The following SBF2 variants were observed in gnomAD, a reference collection of about 807,000 sequenced individuals.
SBF2 encodes SET binding factor 2.
A neutral mutation model predicts 225.2 loss-of-function variants in SBF2; 112 were observed. That is an observed-to-expected ratio of 0.50 (90% CI 0.43 to 0.58). SBF2 has a LOEUF of 0.58. SBF2 is among the 20% of genes least tolerant of loss of function. The pLI, the probability that SBF2 is intolerant of heterozygous loss-of-function variation, is 0.00. For synonymous variants in SBF2, 763 were observed against 773.3 expected, an observed-to-expected ratio of 0.99 and a Z score of 0.22; for missense variants, 1,996 against 2,206.2, an observed-to-expected ratio of 0.90 and a Z score of 1.91.
intron 1 of SBF2, among the ~76,000 whole-genome samples, chr11:10,284,808 G>C (rs1333528189): frequency 2.0e-5 from 3 of 151,758 alleles, no homozygotes; most frequent in Admixed American, 6.6e-5. Flanking sequence ...ATTTTTAGTA[G>C]AGACAAGGTC....
chr11:10,085,511 A>C (rs959439978), intron 2 of SBF2, among the ~76,000 whole-genome samples: 1 of 152,078 alleles, frequency 6.6e-6, no homozygotes, highest in African/African-American at 2.4e-5. Flanking sequence ...CTCTTCATAC[A>C]TACATTTCTC....
chr11:9,891,572 T>C (rs192220129), intron 17 of SBF2, among the ~76,000 whole-genome samples: 11 of 152,238 alleles, frequency 7.2e-5, no homozygotes, highest in Non-Finnish European at 1.0e-4. Context: ...AGCTAATAAA[T>C]TGAAATCGAA....
intron 3 of SBF2, 111 bp from the exon 4 acceptor site, chr11:10,031,281 T>C (rs1319271018): frequency 2.0e-6 from 2 of 1,016,650 alleles, no homozygotes; most frequent in Admixed American, 2.5e-5. Flanking sequence ...AAATTAATTA[T>C]AATATAATTT....
intron 20 of SBF2, 83 bp from the exon 21 acceptor site, chr11:9,852,832 T>C: frequency 9.4e-7 from 1 of 1,065,762 alleles, no homozygotes; most frequent in Admixed American, 1.7e-5. Flanking sequence ...GAATTAAAAG[T>C]TAATTACAGT....
intron 17 of SBF2, among the ~76,000 whole-genome samples, chr11:9,886,505 C>T (rs906003134): frequency 2.6e-5 from 4 of 151,920 alleles, no homozygotes; most frequent in African/African-American, 9.7e-5. Flanking sequence ...CTGGACAGAT[C>T]CACATAGAAG....
intron 2 of SBF2, among the ~76,000 whole-genome samples, chr11:10,190,474 C>T (rs72861747): frequency 0.058 from 8,846 of 151,972 alleles, 332 homozygotes; most frequent in Middle Eastern, 0.14. Flanking sequence ...AAAATCCATC[C>T]GAATTAAAGT....
Position 10,171,118 on chromosome 11 carries a change from G to C in SBF2, c.141+22784C>G, listed in dbSNP as rs562580192. Reference sequence around the variant, plus strand: ...ATTTGACTCCCTCCTTTCCAATTTGGATGCCCTAGACTTCCTTCTCTTATC... The same window carrying C: ...ATTTGACTCCCTCCTTTCCAATTTGCATGCCCTAGACTTCCTTCTCTTATC... On this transcript the variant is annotated intron_variant, in intron 2 of 39. Transcript: ENST00000256190. 5.9e-5 allele frequency among the ~76,000 whole-genome samples: 9 copies of C among 152,072 alleles called. No individual in the cohort carries two copies. In the South Asian group the frequency reaches 1.2e-3, roughly 21 times the overall value.
At chr11:9,861,317 C>T (rs1337905833) in intron 17 of SBF2, among the ~76,000 whole-genome samples, 1 of 152,142 alleles carries the variant, frequency 6.6e-6, no homozygotes, top group Admixed American at 6.6e-5. Context: ...GCCTTAACCT[C>T]CTGAGTAGCT....
chr11:9,846,044 G>C (rs1187742067), intron 23 of SBF2, among the ~76,000 whole-genome samples: 2 of 152,174 alleles, frequency 1.3e-5, no homozygotes, highest in Non-Finnish European at 2.9e-5. Context: ...CAACTGGTTG[G>C]TTCCAGATAG....
intron 30 of SBF2, among the ~76,000 whole-genome samples, chr11:9,811,872 T>C (rs543318228): frequency 6.6e-6 from 1 of 152,128 alleles, no homozygotes; most frequent in South Asian, 2.1e-4. Flanking sequence ...TCACAGCTCT[T>C]TGGGAGGTCA....
intron 1 of SBF2, among the ~76,000 whole-genome samples, chr11:10,241,694 A>C (rs1959224946): frequency 6.6e-6 from 1 of 152,154 alleles, no homozygotes; most frequent in African/African-American, 2.4e-5. Context: ...AATTCCTAGA[A>C]AACAACTTTT....
chr11:10,007,483 A>T (rs1344669823), intron 6 of SBF2, among the ~76,000 whole-genome samples: 1 of 152,172 alleles, frequency 6.6e-6, no homozygotes, highest in Non-Finnish European at 1.5e-5. Flanking sequence ...TGATCTATCA[A>T]CTAGATTTAC....
intron 2 of SBF2, among the ~76,000 whole-genome samples, chr11:10,143,831 C>T (rs1954763472): frequency 6.6e-6 from 1 of 152,150 alleles, no homozygotes; most frequent in Non-Finnish European, 1.5e-5. Context: ...CATTCTCCTG[C>T]CTCAGCCTCC....
At chr11:10,157,091 C>T (rs866710595) in intron 2 of SBF2, among the ~76,000 whole-genome samples, 15 of 152,078 alleles carry the variant, frequency 9.9e-5, no homozygotes, top group East Asian at 1.9e-4. Context: ...TGGAACAGAA[C>T]AAGGAACCCA....
intron 13 of SBF2, among the ~76,000 whole-genome samples, chr11:9,989,055 T>TACACACACACACATATGCATACATAC (rs1554975328): frequency 9.1e-5 from 13 of 142,732 alleles, no homozygotes; most frequent in African/African-American, 2.5e-4. Context: ...TATATATATA[T>TACACACACACACATATGCATACATAC]ACATATGCAT....
chr11:10,148,778 T>C (rs1565286258), intron 2 of SBF2, among the ~76,000 whole-genome samples: 1 of 152,088 alleles, frequency 6.6e-6, no homozygotes, highest in Non-Finnish European at 1.5e-5. Context: ...TATTCAGTGG[T>C]TGCTAATCTG....
intron 9 of SBF2, among the ~76,000 whole-genome samples, chr11:9,996,674 C>G (rs1947718922): frequency 6.6e-6 from 1 of 152,230 alleles, no homozygotes; most frequent in African/African-American, 2.4e-5. Flanking sequence ...CAGGCGTGAG[C>G]CACCGCACCC....
intron 16 of SBF2, chr11:9,961,612 G>C: frequency 5.8e-6 from 1 of 171,582 alleles, no homozygotes; most frequent in South Asian, 1.6e-4. Flanking sequence ...TCCTCTGCTT[G>C]GACAACTGAA....
intron 2 of SBF2, among the ~76,000 whole-genome samples, chr11:10,073,208 T>C (rs1279691007): frequency 3.3e-5 from 5 of 152,192 alleles, no homozygotes; most frequent in Admixed American, 1.3e-4. Context: ...TAAAGGCTTA[T>C]CTGAAGAGAA....
Sources: gnomAD v4.1 joint callset for allele counts (sites outside exome capture counted in the v4.1 genomes callset) on GRCh38, gnomAD v4.1.1 for gene constraint, MANE v1.5 for transcripts, NCBI Gene and HGNC (gene_info 2026-07-23, HGNC 2026-07-21) for gene names.